Variants in VEGFC observed in about 807,000 individuals in gnomAD.
VEGFC encodes vascular endothelial growth factor C, also known as FLT4 ligand DHM.
VEGFC carries 12 observed loss-of-function variants against 46.1 expected under a neutral mutation model. The ratio of observed to expected loss-of-function variants is 0.26; its 90% confidence interval spans 0.17 to 0.42. VEGFC has a LOEUF of 0.42. Ranked by LOEUF, VEGFC falls within the 10% of genes least tolerant of loss-of-function variation. The pLI is 1.00. For synonymous variants in VEGFC, 232 were observed against 195.5 expected (o/e 1.19, Z -1.56); for missense variants, 488 against 529.4 (o/e 0.92, Z 0.77).
intron 1 of VEGFC, among the ~76,000 whole-genome samples, chr4:176,786,913 C>T (rs1468525895): frequency 6.6e-6 from 1 of 152,122 alleles, no homozygotes; most frequent in Non-Finnish European, 1.5e-5. Context: ...TGGAACAGGG[C>T]TACAATCCAT....
chr4:176,750,369 CTA>C (rs1366011265), intron 1 of VEGFC, among the ~76,000 whole-genome samples: 1 of 151,276 alleles, frequency 6.6e-6, no homozygotes, highest in African/African-American at 2.4e-5. Context: ...TAAAACAAAA[CTA>C]TATTTGTTTT....
chr4:176,711,958 G>T (rs1203780582), intron 3 of VEGFC, among the ~76,000 whole-genome samples: 1 of 151,996 alleles, frequency 6.6e-6, no homozygotes, highest in Non-Finnish European at 1.5e-5. Flanking sequence ...CAAGAAAAAA[G>T]AACTGTTTCA....
At chr4:176,708,616 CA>C (rs1734574867) in intron 4 of VEGFC, among the ~76,000 whole-genome samples, 2 of 152,180 alleles carry the variant, frequency 1.3e-5, no homozygotes, top group East Asian at 3.9e-4. Flanking sequence ...TATGCTTATA[CA>C]TAATTAATTA....
At chr4:176,745,548 A>T (rs1441145777) in intron 1 of VEGFC, among the ~76,000 whole-genome samples, 1 of 152,120 alleles carries the variant, frequency 6.6e-6, no homozygotes, top group African/African-American at 2.4e-5. Flanking sequence ...ATCCTGGCCT[A>T]CCAACAATTC....
chr4:176,760,009 TTAA>T (rs1375908316), intron 1 of VEGFC, among the ~76,000 whole-genome samples: 1 of 152,060 alleles, frequency 6.6e-6, no homozygotes, highest in Admixed American at 6.6e-5. Context: ...TTAAAAATAG[TTAA>T]TAACAAGGAG....
chr4:176,782,847 A>T (rs990014304), intron 1 of VEGFC, among the ~76,000 whole-genome samples: 2 of 152,202 alleles, frequency 1.3e-5, no homozygotes, highest in African/African-American at 4.8e-5. Context: ...TCTGGTCAAA[A>T]GTTCTAAAAT....
chr4:176,687,779 T>G lies in VEGFC; in HGVS notation c.811+42A>C, dbSNP rs761413619. 23 of 1,388,792 alleles carry G rather than the reference T, an allele frequency of 1.7e-5. No individual in the cohort carries two copies. In the Middle Eastern group the frequency reaches 1.3e-3, roughly 76 times the overall value. 86.0% of individuals were successfully genotyped at this position (1,388,792 alleles called of 1,614,324 possible). A position where few individuals can be genotyped will look rare whatever the true frequency, so the allele number is the denominator to read the frequency against. On this transcript the variant is annotated intron_variant, in intron 5 of 6. Coordinates refer to ENST00000618562, the MANE Select transcript of VEGFC (RefSeq NM_005429.5). ...ATATTAGAGTATGTTAATCACAATA[T>G]AGACCCCTGGCGTTTAGTCTTTAAA...
intron 1 of VEGFC, among the ~76,000 whole-genome samples, chr4:176,761,601 A>C (rs993619473): frequency 2.0e-5 from 3 of 152,202 alleles, no homozygotes; most frequent in Non-Finnish European, 4.4e-5. Flanking sequence ...AGTAATTTGT[A>C]ATGTTGAATA....
chr4:176,727,343 G>T (rs1203190000), intron 3 of VEGFC, among the ~76,000 whole-genome samples: 1 of 152,136 alleles, frequency 6.6e-6, no homozygotes, highest in Non-Finnish European at 1.5e-5. Context: ...CTATACCACT[G>T]TTTCACAGAA....
chr4:176,762,792 T>C (rs767093172), intron 1 of VEGFC, among the ~76,000 whole-genome samples: 4 of 152,204 alleles, frequency 2.6e-5, no homozygotes, highest in Non-Finnish European at 5.9e-5. Flanking sequence ...CACTAAGTCA[T>C]ATTCACCCTG....
intron 1 of VEGFC, among the ~76,000 whole-genome samples, chr4:176,766,751 G>T (rs1164981864): frequency 1.3e-5 from 2 of 152,058 alleles, no homozygotes; most frequent in Admixed American, 6.5e-5. Context: ...GAGCAGCAGA[G>T]AAATATGCTA....
intron 1 of VEGFC, among the ~76,000 whole-genome samples, chr4:176,791,209 C>A (rs182508400): frequency 6.6e-6 from 1 of 152,260 alleles, no homozygotes; most frequent in East Asian, 1.9e-4. Flanking sequence ...AAATAAACTA[C>A]CGCAGTATAG....
chr4:176,746,294 T>C (rs1023203211), intron 1 of VEGFC, among the ~76,000 whole-genome samples: 1 of 152,020 alleles, frequency 6.6e-6, no homozygotes, highest in Non-Finnish European at 1.5e-5. Context: ...GCCAATAATG[T>C]CCACCTTTAT....
chr4:176,687,560 G>C, intron 5 of VEGFC, 40 bp from the exon 6 acceptor site: 1 of 1,481,102 alleles, frequency 6.8e-7, no homozygotes, highest in Non-Finnish European at 9.0e-7. Context: ...TACCTTACTT[G>C]GTTCTGGGTG....
intron 4 of VEGFC, among the ~76,000 whole-genome samples, chr4:176,704,202 G>A (rs1172927207): frequency 6.6e-6 from 1 of 151,980 alleles, no homozygotes; most frequent in African/African-American, 2.4e-5. Context: ...ACAGATTACT[G>A]TTTCTCCAGA....
chr4:176,781,056 T>C (rs1049848785), intron 1 of VEGFC, among the ~76,000 whole-genome samples: 4 of 152,214 alleles, frequency 2.6e-5, no homozygotes, highest in Non-Finnish European at 5.9e-5. Context: ...AAATATTGCA[T>C]TAAAATTTAT....
intron 1 of VEGFC, among the ~76,000 whole-genome samples, chr4:176,751,504 A>C (rs936552427): frequency 3.3e-5 from 5 of 152,000 alleles, no homozygotes; most frequent in African/African-American, 1.2e-4. Context: ...TACAGTACTA[A>C]TTGCAGCAGC....
At chr4:176,775,302 A>G (rs1170003488) in intron 1 of VEGFC, among the ~76,000 whole-genome samples, 1 of 152,236 alleles carries the variant, frequency 6.6e-6, no homozygotes, top group Admixed American at 6.5e-5. Flanking sequence ...TAAATAAACT[A>G]TTAGAATAAA....
At chr4:176,776,818 G>GT (rs1157625701) in intron 1 of VEGFC, among the ~76,000 whole-genome samples, 1 of 152,096 alleles carries the variant, frequency 6.6e-6, no homozygotes, top group Non-Finnish European at 1.5e-5. Context: ...CTTGGCTTTG[G>GT]TTTTTTGTAT....
Sources: gnomAD v4.1 joint callset for allele counts (sites outside exome capture counted in the v4.1 genomes callset) on GRCh38, gnomAD v4.1.1 for gene constraint, MANE v1.5 for transcripts, NCBI Gene and HGNC (gene_info 2026-07-23, HGNC 2026-07-21) for gene names.